Variants in BTBD9 observed in about 807,000 individuals in gnomAD.
BTBD9 encodes the protein BTB domain containing 9.
BTBD9 carries 49 observed loss-of-function variants against 64.3 expected under a neutral mutation model. The ratio of observed to expected loss-of-function variants is 0.76; its 90% CI spans 0.61 to 0.97. The LOEUF (loss-of-function observed/expected upper bound fraction) is 0.97. Among genes scored for constraint, BTBD9 ranks in the 50% least tolerant of loss-of-function variants. The probability of loss-of-function intolerance (pLI) is 0.00; values close to 1 mark genes in which losing one functional copy is unlikely to be tolerated. For synonymous variants in BTBD9, 260 were observed against 274.7 expected, an observed-to-expected ratio of 0.95 and a Z score of 0.53; for missense variants, 598 against 762.1, an observed-to-expected ratio of 0.78 and a Z score of 2.53.
At chr6:38,314,038 G>A (rs571344410) in intron 7 of BTBD9, among the ~76,000 whole-genome samples, 1 of 151,814 alleles carries the variant, frequency 6.6e-6, no homozygotes, top group South Asian at 2.1e-4. Flanking sequence ...ACTGTGCCTG[G>A]TGAATGAACT....
At chr6:38,231,896 T>C (rs537660703) in intron 9 of BTBD9, among the ~76,000 whole-genome samples, 404 of 152,338 alleles carry the variant, frequency 2.7e-3, no homozygotes, top group South Asian at 0.023. Context: ...ATGTAATCCC[T>C]GATCCAGCCA....
rs558396874 is a variant in BTBD9 at position 38,387,477 on chromosome 6, C to T, written c.1155-42384G>A. Among the ~76,000 whole-genome samples the T allele has an allele frequency of 1.3e-4, 20 of 152,184 alleles. No individual in the cohort carries two copies. The East Asian group carries it at 2.9e-3, about 22-fold the overall frequency. On this transcript the variant is annotated intron_variant, in intron 6 of 10. Transcript: ENST00000481247. ...GCTTGAGCCTGGGAGGCAGAGGTTGCGGTGAGCTGAGATCACGCCACTGCA... is the reference window on the plus strand; with the variant it reads ...GCTTGAGCCTGGGAGGCAGAGGTTGTGGTGAGCTGAGATCACGCCACTGCA...
intron 9 of BTBD9, among the ~76,000 whole-genome samples, chr6:38,249,858 A>G (rs1369081980): frequency 3.9e-5 from 6 of 152,164 alleles, no homozygotes; most frequent in Non-Finnish European, 7.4e-5. Flanking sequence ...GAAGCTTCAC[A>G]TTCCAAATAG....
At chr6:38,305,897 A>C (rs1394717169) in intron 7 of BTBD9, among the ~76,000 whole-genome samples, 1 of 152,348 alleles carries the variant, frequency 6.6e-6, no homozygotes, top group Admixed American at 6.5e-5. Context: ...CTGGTTTACT[A>C]ATATACATAG....
chr6:38,171,928 G>A lies in BTBD9; in HGVS notation c.*3057C>T, dbSNP rs1252959848. 6.7e-6 allele frequency: 1 copy of A among 150,072 alleles called. No individual in the cohort carries two copies. 9.3% of individuals were successfully genotyped at this position (150,072 alleles called of 1,614,324 possible). On this transcript the variant is annotated 3_prime_UTR_variant, in exon 11 of 11. Coordinates refer to ENST00000481247, the MANE Select transcript of BTBD9 (RefSeq NM_001099272.2). Reference sequence around the variant, plus strand: ...ATAATAATGAAAAGTGAAGGGTGGGGGTGCTGGCCACCTCCCATTTCTTTG... The same window carrying A: ...ATAATAATGAAAAGTGAAGGGTGGGAGTGCTGGCCACCTCCCATTTCTTTG...
chr6:38,183,767 C>T (rs1171790403), intron 10 of BTBD9, among the ~76,000 whole-genome samples: 2 of 152,234 alleles, frequency 1.3e-5, no homozygotes, highest in East Asian at 3.8e-4. Context: ...AAGGGCATGG[C>T]AGTCACAGCC....
intron 6 of BTBD9, chr6:38,482,568 T>C (rs942258384): frequency 1.3e-5 from 2 of 152,224 alleles, no homozygotes; most frequent in Non-Finnish European, 2.9e-5. Context: ...CGCATGTTTG[T>C]GTAGCTGTTA....
chr6:38,287,104 A>AT (rs1761760209), intron 8 of BTBD9, among the ~76,000 whole-genome samples: 2 of 122,212 alleles, frequency 1.6e-5, no homozygotes, highest in African/African-American at 6.4e-5. Flanking sequence ...AAAAAAAAAA[A>AT]AATATACACA....
intron 6 of BTBD9, among the ~76,000 whole-genome samples, chr6:38,547,302 T>C (rs1468539303): frequency 1.3e-5 from 2 of 152,136 alleles, no homozygotes; most frequent in Non-Finnish European, 2.9e-5. Context: ...TGGTGGCACA[T>C]GCCAGTAGTT....
At chr6:38,548,814 A>C (rs1774671478) in intron 6 of BTBD9, among the ~76,000 whole-genome samples, 2 of 152,238 alleles carry the variant, frequency 1.3e-5, no homozygotes, top group African/African-American at 2.4e-5. Context: ...AAAGTTTGAC[A>C]CAGTATTCCT....
chr6:38,441,497 G>A (rs1041816509), intron 6 of BTBD9, among the ~76,000 whole-genome samples: 1 of 152,046 alleles, frequency 6.6e-6, no homozygotes, highest in Non-Finnish European at 1.5e-5. Context: ...CATGGCTCAC[G>A]GCAGCCTTGA....
chr6:38,522,498 T>A (rs1194192921), intron 6 of BTBD9, among the ~76,000 whole-genome samples: 1 of 152,264 alleles, frequency 6.6e-6, no homozygotes, highest in Admixed American at 6.5e-5. Flanking sequence ...TGTTTGCAAA[T>A]GCTTCTTTGA....
chr6:38,208,135 G>A (rs575522461), intron 9 of BTBD9, among the ~76,000 whole-genome samples: 8 of 152,282 alleles, frequency 5.3e-5, no homozygotes, highest in African/African-American at 1.4e-4. Context: ...ACAGATTCTC[G>A]AAAAGGGAAG....
chr6:38,465,034 A>G (rs9394500), intron 6 of BTBD9, among the ~76,000 whole-genome samples: 109,142 of 152,114 alleles, frequency 0.72, 39,443 homozygotes, highest in East Asian at 0.96. Flanking sequence ...CATGTGGGGC[A>G]GCTCATGCCT....
chr6:38,176,197 G>A (rs1310583215), intron 10 of BTBD9, among the ~76,000 whole-genome samples: 2 of 152,206 alleles, frequency 1.3e-5, no homozygotes, highest in Non-Finnish European at 2.9e-5. Context: ...GCCACTGCAC[G>A]AGCATGTGTG....
intron 6 of BTBD9, among the ~76,000 whole-genome samples, chr6:38,430,896 G>A (rs1156355558): frequency 6.6e-6 from 1 of 151,956 alleles, no homozygotes; most frequent in Non-Finnish European, 1.5e-5. Context: ...GGTCAGGTCT[G>A]TCCTGGTCTT....
intron 9 of BTBD9, among the ~76,000 whole-genome samples, chr6:38,218,314 G>A (rs925218516): frequency 6.6e-6 from 1 of 152,090 alleles, no homozygotes; most frequent in African/African-American, 2.4e-5. Context: ...AGCAGATTGC[G>A]GACAACTTTG....
intron 9 of BTBD9, among the ~76,000 whole-genome samples, chr6:38,246,722 T>C (rs759258952): frequency 6.6e-6 from 1 of 152,032 alleles, no homozygotes; most frequent in East Asian, 1.9e-4. Context: ...ATTTCAAAAG[T>C]GACAATTACA....
intron 1 of BTBD9, among the ~76,000 whole-genome samples, chr6:38,625,522 A>G (rs1778136349): frequency 6.6e-6 from 1 of 152,214 alleles, no homozygotes; most frequent in African/African-American, 2.4e-5. Flanking sequence ...TTGTGATGGG[A>G]AAATAAATTA....
Sources: gnomAD v4.1 joint callset for allele counts (sites outside exome capture counted in the v4.1 genomes callset) on GRCh38, gnomAD v4.1.1 for gene constraint, MANE v1.5 for transcripts, NCBI Gene and HGNC (gene_info 2026-07-23, HGNC 2026-07-21) for gene names.